The following TMEM132D variants were observed in gnomAD, a reference collection of about 807,000 sequenced individuals.
The protein encoded by TMEM132D is mature OL transmembrane protein.
In TMEM132D, 21 loss-of-function variants were observed where a neutral mutation model predicts 62.3. The ratio of observed to expected loss-of-function variants is 0.34; its 90% confidence interval spans 0.24 to 0.49. The LOEUF is 0.49. Ranked by LOEUF, TMEM132D falls within the 20% of genes least tolerant of loss-of-function variation. The pLI, the probability that TMEM132D is intolerant of heterozygous loss-of-function variation, is 0.99. For missense variants in TMEM132D, 1,346 were observed against 1,402.8 expected (o/e 0.96, Z 0.65); for synonymous variants, 621 against 575.6 (o/e 1.08, Z -1.13).
In TMEM132D at chr12:129,637,525, G is replaced by A. The variant is rs117367592; in HGVS notation, c.968+62285C>T. Among the ~76,000 whole-genome samples, 490 of 152,214 alleles carry A rather than the reference G, an allele frequency of 3.2e-3. 1 individual carries two copies. The highest frequency in any genetic ancestry group is 6.3e-3 in the Non-Finnish European group (428 of 68,010). On this transcript the variant is annotated intron_variant, in intron 2 of 8. Transcript: ENST00000422113. Reference sequence around the variant, plus strand: ...TCACAAGAACTGGTTGGTCAAAAGCGTGTGGTACCTTACCCCCACCCCCTT... The same window carrying A: ...TCACAAGAACTGGTTGGTCAAAAGCATGTGGTACCTTACCCCCACCCCCTT...
intron 2 of TMEM132D, among the ~76,000 whole-genome samples, chr12:129,596,130 T>G: frequency 6.6e-6 from 1 of 152,106 alleles, no homozygotes; most frequent in Non-Finnish European, 1.5e-5. Flanking sequence ...GGAGACAAAT[T>G]GGGTATGGTT....
chr12:129,817,419 A>ATGGAGAAATAAAGTCTGACTC (rs1943347760), intron 1 of TMEM132D, among the ~76,000 whole-genome samples: 1 of 151,046 alleles, frequency 6.6e-6, no homozygotes, highest in Non-Finnish European at 1.5e-5. Context: ...AATGGAGAGC[A>ATGGAGAAATAAAGTCTGACTC]TGGAGAAATA....
intron 4 of TMEM132D, among the ~76,000 whole-genome samples, chr12:129,263,548 A>T (rs185672901): frequency 6.6e-6 from 1 of 152,120 alleles, no homozygotes; most frequent in Admixed American, 6.5e-5. Flanking sequence ...TTAGGGAGAG[A>T]AAGATCTAAG....
intron 1 of TMEM132D, among the ~76,000 whole-genome samples, chr12:129,727,303 T>C (rs11060520): frequency 0.12 from 17,874 of 152,198 alleles, 1,140 homozygotes; most frequent in South Asian, 0.22. Flanking sequence ...CTGTGCTGTG[T>C]CATAACATGG....
At chr12:129,794,809 G>A (rs940579691) in intron 1 of TMEM132D, among the ~76,000 whole-genome samples, 2 of 152,136 alleles carry the variant, frequency 1.3e-5, no homozygotes, top group African/African-American at 4.8e-5. Context: ...CTCTGCTGAT[G>A]TTTGATTTTT....
rs1420399409 is a variant in TMEM132D at position 129,867,237 on chromosome 12, G to GTGAC, written c.79+36020_79+36023dup. 6.6e-6 allele frequency among the ~76,000 whole-genome samples: 1 copy of GTGAC among 152,072 alleles called. No individual in the cohort carries two copies. Among genetic ancestry groups the GTGAC allele is most frequent in the Non-Finnish European group, 1.5e-5 (1 of 68,036 alleles). ...ATCATGCCACTGCACTCCAGCCTGG[G>GTGAC]TGACAGAGCCAGACTCTGTCTCAAA... On this transcript the variant is annotated intron_variant, in intron 1 of 8. Coordinates refer to ENST00000422113, the MANE Select transcript of TMEM132D (RefSeq NM_133448.3). The surrounding 1 kb of genome is among the most constrained non-coding windows in gnomAD (Gnocchi z 4.5).
intron 3 of TMEM132D, among the ~76,000 whole-genome samples, chr12:129,361,888 C>T (rs1359513269): frequency 1.3e-5 from 2 of 152,254 alleles, no homozygotes; most frequent in East Asian, 1.9e-4. Flanking sequence ...CTTCAAAACA[C>T]GCGATGTGCC....
At chr12:129,742,566 C>G (rs1593143632) in intron 1 of TMEM132D, among the ~76,000 whole-genome samples, 2 of 152,112 alleles carry the variant, frequency 1.3e-5, no homozygotes, top group East Asian at 3.9e-4. Context: ...ACCATATCAC[C>G]ATCTGAAAAA....
At chr12:129,319,749 AC>A (rs1171780563) in intron 4 of TMEM132D, among the ~76,000 whole-genome samples, 30 of 152,146 alleles carry the variant, frequency 2.0e-4, no homozygotes, top group Admixed American at 2.0e-3. Context: ...TTGTCCCAGA[AC>A]CCTTGGTATT....
rs572550761 is a variant in TMEM132D, at chr12:129,092,980, G to A, written c.1444-8278C>T. 1.2e-4 allele frequency among the ~76,000 whole-genome samples: 18 copies of A among 152,242 alleles called. No individual in the cohort carries two copies. In the East Asian group the frequency reaches 3.1e-3, roughly 26 times the overall value. ...TGGAAAACAACTTTCCCTAACTCAG[G>A]TATATTTGTTAATGAACAACACACC... On this transcript the variant is annotated intron_variant, in intron 5 of 8. Coordinates refer to ENST00000422113, the MANE Select transcript of TMEM132D (RefSeq NM_133448.3).
chr12:129,605,722 C>A (rs1343005551), intron 2 of TMEM132D, among the ~76,000 whole-genome samples: 1 of 150,568 alleles, frequency 6.6e-6, no homozygotes, highest in Non-Finnish European at 1.5e-5. Flanking sequence ...ATGTGGAAAC[C>A]TTGACAGTCA....
In TMEM132D at chr12:129,528,998, C is replaced by G. The variant is rs1263818064; in HGVS notation, c.1115+2061G>C. On this transcript the variant is annotated intron_variant, in intron 3 of 8. Coordinates refer to ENST00000422113, the MANE Select transcript of TMEM132D (RefSeq NM_133448.3). ...CATACCTATATCACATATATGTGTT[C>G]TATATGCATATATAATATGCTGTAT... Among the ~76,000 whole-genome samples the G allele has an allele frequency of 7.3e-4, 111 of 152,276 alleles. 1 individual carries two copies. The highest frequency in any genetic ancestry group is 2.9e-5 in the Non-Finnish European group (2 of 68,032).
intron 1 of TMEM132D, among the ~76,000 whole-genome samples, chr12:129,715,850 G>A (rs564596297): frequency 3.3e-5 from 5 of 152,304 alleles, no homozygotes; most frequent in East Asian, 1.9e-4. Flanking sequence ...AGGCTATGAC[G>A]CTAGGAGTCT....
At chr12:129,901,870 GC>G (rs34571915) in intron 1 of TMEM132D, among the ~76,000 whole-genome samples, 8,212 of 92,410 alleles carry the variant, frequency 0.089, 308 homozygotes, top group African/African-American at 0.15. Flanking sequence ...AACCCCCCCC[GC>G]CCCAAAAAAA....
At chr12:129,832,426 G>A (rs1014447604) in intron 1 of TMEM132D, among the ~76,000 whole-genome samples, 2 of 151,606 alleles carry the variant, frequency 1.3e-5, no homozygotes, top group Non-Finnish European at 2.9e-5. Context: ...ATAACATATC[G>A]AATAGGACAT....
chr12:129,842,200 G>A (rs1349223138), intron 1 of TMEM132D, among the ~76,000 whole-genome samples: 3 of 147,582 alleles, frequency 2.0e-5, no homozygotes, highest in African/African-American at 7.7e-5. Flanking sequence ...CACCCGCCTC[G>A]GCCTCCCAAA....
At chr12:129,265,014 A>G (rs1363253930) in intron 4 of TMEM132D, among the ~76,000 whole-genome samples, 1 of 152,178 alleles carries the variant, frequency 6.6e-6, no homozygotes, top group Non-Finnish European at 1.5e-5. Flanking sequence ...ATCACCACTA[A>G]AGACTTACTC....
chr12:129,343,964 G>C (rs1043251314), intron 3 of TMEM132D, among the ~76,000 whole-genome samples: 5 of 151,990 alleles, frequency 3.3e-5, no homozygotes, highest in African/African-American at 1.2e-4. Flanking sequence ...TAATAATATT[G>C]ATTCTTGCAA....
At chr12:129,508,814 T>C (rs1234437153) in intron 3 of TMEM132D, among the ~76,000 whole-genome samples, 4 of 152,100 alleles carry the variant, frequency 2.6e-5, no homozygotes, top group Non-Finnish European at 4.4e-5. Flanking sequence ...GGGATACGCA[T>C]TGATGAAAAT....
Sources: gnomAD v4.1 joint callset for allele counts (sites outside exome capture counted in the v4.1 genomes callset) on GRCh38, gnomAD v4.1.1 for gene constraint, Gnocchi (gnomAD v3.1) non-coding constraint, MANE v1.5 for transcripts, NCBI Gene and HGNC (gene_info 2026-07-23, HGNC 2026-07-21) for gene names.